Variants in CYP51A1 observed in about 807,000 individuals in gnomAD.
The protein encoded by CYP51A1 is cytochrome P450 family 51 subfamily A member 1.
In CYP51A1, 45 loss-of-function variants were observed where a neutral mutation model predicts 53.5. That is an observed-to-expected ratio of 0.84 (90% CI 0.66 to 1.08). The LOEUF is 1.08. Among genes scored for constraint, CYP51A1 ranks in the 50% least tolerant of loss-of-function variants. The probability of loss-of-function intolerance (pLI) is 0.00; values close to 1 mark genes in which losing one functional copy is unlikely to be tolerated. For synonymous variants in CYP51A1, 181 were observed against 217.7 expected, an observed-to-expected ratio of 0.83 and a Z score of 1.48; for missense variants, 462 against 621.7, an observed-to-expected ratio of 0.74 and a Z score of 2.73.
rs548811414 is a variant in CYP51A1 at position 92,116,923 on chromosome 7, T to G, written c.1351+121A>C. On this transcript the variant is annotated intron_variant, in intron 9 of 9. Transcript: ENST00000003100. ...ATAAAGATTCTTCTCCTAAAAAAGT[T>G]TGCAAAAATGTCCCTATGAGGAAAG... 5.5e-6 allele frequency: 5 copies of G among 916,432 alleles called. No homozygotes were observed. In the South Asian group the frequency reaches 1.0e-4, roughly 19 times the overall value. 56.8% of individuals were successfully genotyped at this position (916,432 alleles called of 1,614,324 possible).
chr7:92,131,669 T>A (rs1051165330), intron 2 of CYP51A1, 105 bp downstream of exon 2: 1 of 629,342 alleles, frequency 1.6e-6, no homozygotes, highest in Non-Finnish European at 2.8e-6. Context: ...AGGATATGTA[T>A]ATGATTACAA....
At chr7:92,126,190 T>C in intron 5 of CYP51A1, 63 bp downstream of exon 5, 1 of 1,204,520 alleles carries the variant, frequency 8.3e-7, no homozygotes, top group South Asian at 1.9e-5. Context: ...AGGCAAAGCA[T>C]ACCAACACTA....
At position 92,113,043 on chromosome 7, in the gene CYP51A1, A is replaced by G. The variant is rs1341444783; in HGVS notation, c.*622T>C. Reference sequence around the variant, plus strand: ...ACATTATTTTTAGGAACTCTTATCAAATATGGTCCTGGATCTCTTAATTTC... The same window carrying G: ...ACATTATTTTTAGGAACTCTTATCAGATATGGTCCTGGATCTCTTAATTTC... On this transcript the variant is annotated 3_prime_UTR_variant, in exon 10 of 10. Coordinates refer to ENST00000003100, the MANE Select transcript of CYP51A1 (RefSeq NM_000786.4). The G allele has an allele frequency of 6.6e-6, 1 of 152,170 alleles. No homozygotes were observed. The allele number at this position is 152,170 out of a possible 1,614,324, so 9.4% of individuals were successfully genotyped here.
intron 4 of CYP51A1, among the ~76,000 whole-genome samples, chr7:92,126,685 A>G (rs1257695278): frequency 6.6e-6 from 1 of 152,238 alleles, no homozygotes; most frequent in African/African-American, 2.4e-5. Flanking sequence ...CATCATGAAA[A>G]GAATAAATGT....
intron 5 of CYP51A1, among the ~76,000 whole-genome samples, chr7:92,124,192 T>C (rs1223910413): frequency 6.6e-6 from 1 of 152,226 alleles, no homozygotes; most frequent in East Asian, 1.9e-4. Flanking sequence ...TAGGATACTC[T>C]TTTAAATTAA....
At chr7:92,132,480 GT>G (rs1433273017) in intron 1 of CYP51A1, among the ~76,000 whole-genome samples, 5 of 119,606 alleles carry the variant, frequency 4.2e-5, no homozygotes, top group Admixed American at 8.3e-5. Flanking sequence ...TTTGTATTGG[GT>G]TTTTTTCCCC....
chr7:92,123,985 A>C, intron 5 of CYP51A1, 132 bp from the exon 6 acceptor site: 3 of 658,648 alleles, frequency 4.6e-6, no homozygotes, highest in East Asian at 3.1e-5. Context: ...AATAATTGAC[A>C]AAAAAATCAG....
chr7:92,116,228 G>A (rs1316312913), intron 9 of CYP51A1, among the ~76,000 whole-genome samples: 2 of 152,100 alleles, frequency 1.3e-5, no homozygotes, highest in African/African-American at 4.8e-5. Flanking sequence ...CTGAGAGATT[G>A]TGCCACTGCA....
At position 92,128,428 on chromosome 7, in the gene CYP51A1, C is replaced by CTGTGTGTGTGTGTG. The variant is rs1554479142; in HGVS notation, c.468+438_468+451dup. Among the ~76,000 whole-genome samples the CTGTGTGTGTGTGTG allele has an allele frequency of 3.6e-4, 51 of 143,128 alleles. No homozygotes were observed. In the East Asian group the frequency reaches 8.4e-3, roughly 24 times the overall value. 93.9% of individuals were successfully genotyped at this position (143,128 alleles called of 152,430 possible). On this transcript the variant is annotated intron_variant, in intron 3 of 9. Coordinates refer to ENST00000003100, the MANE Select transcript of CYP51A1 (RefSeq NM_000786.4). ...TATTACATTTTTGTTTGGTTGGTTTCTGTGTGTGTGTGTGTGTGTGTGTGT... is the reference window on the plus strand; with the variant it reads ...TATTACATTTTTGTTTGGTTGGTTTCTGTGTGTGTGTGTGTGTGTGTGTGTGTGTGTGTGTGTGT...
Position 92,134,356 on chromosome 7 carries a change from C to T in CYP51A1, c.9G>A (p.Ala3=). 1 of 1,580,574 alleles carries T rather than the reference C, an allele frequency of 6.3e-7. No individual in the cohort carries two copies. Among genetic ancestry groups the T allele is most frequent in the Non-Finnish European group, 8.6e-7 (1 of 1,159,670 alleles). The stretch of plus-strand genomic sequence containing the variant: ...AGCCCAGCAGCAGCATCCCAGCCGC[C>T]GCCGCCATTCACTCCGTCGGAAACA... The part of the protein sequence containing the change: MA[A]AAGMLLLGLL... The change falls in exon 1 of 10, where the codon GCG becomes GCA. Residue 3 remains alanine (A), a synonymous_variant. Coordinates refer to ENST00000003100, the MANE Select transcript of CYP51A1 (RefSeq NM_000786.4).
intron 4 of CYP51A1, 108 bp from the exon 5 acceptor site, chr7:92,126,535 A>G (rs992400407): frequency 3.1e-6 from 3 of 977,106 alleles, no homozygotes; most frequent in African/African-American, 3.3e-5. Context: ...CATATCATCA[A>G]AAAAAGTCTG....
intron 3 of CYP51A1, among the ~76,000 whole-genome samples, chr7:92,128,459 C>T (rs12112262): frequency 0.42 from 57,484 of 138,168 alleles, 11,400 homozygotes; most frequent in African/African-American, 0.48. Context: ...TGTGTGTGCG[C>T]GTGCGTGTGT....
In CYP51A1 at chr7:92,127,596, G is replaced by T. The variant is rs765058819; in HGVS notation, c.504C>A (p.Gly168=). The T allele has an allele frequency of 1.6e-5, 26 of 1,613,096 alleles. No homozygotes were observed. The highest frequency in any genetic ancestry group is 2.0e-5 in the Non-Finnish European group (24 of 1,179,490). ...GCTGTTTAAAGTGGGCTATGTTAAG[G>T]CCACTTTTTAACATTTTCTTCTGCT... ...FLEQKKMLKS[G]LNIAHFKQHV... Residue 168 remains glycine (G), a synonymous_variant, in exon 4 of 10, where the codon GGC becomes GGA. Coordinates refer to ENST00000003100, the MANE Select transcript of CYP51A1 (RefSeq NM_000786.4).
intron 5 of CYP51A1, among the ~76,000 whole-genome samples, chr7:92,125,144 CAAAAA>C (rs1232943204): frequency 4.5e-5 from 3 of 67,134 alleles, no homozygotes; most frequent in African/African-American, 5.0e-5. Flanking sequence ...ACTCCATCAC[CAAAAA>C]AAAAAAAAAA....
At chr7:92,127,901 T>G (rs1563180984) in intron 3 of CYP51A1, among the ~76,000 whole-genome samples, 1 of 152,182 alleles carries the variant, frequency 6.6e-6, no homozygotes, top group Non-Finnish European at 1.5e-5. Context: ...TCCCCATCAC[T>G]AGAAACAAGA....
At chr7:92,121,616 T>A (rs1048999535) in intron 7 of CYP51A1, among the ~76,000 whole-genome samples, 1 of 152,242 alleles carries the variant, frequency 6.6e-6, no homozygotes. Context: ...GGTCTATCCA[T>A]ATAATGGAAT....
rs1819992574 is a variant in CYP51A1, at chr7:92,134,223, A to G, written c.142T>C (p.Tyr48His). Residue 48 changes from tyrosine (Y) to histidine (H), a missense_variant, in exon 1 of 10, where the codon TAC (tyrosine) becomes CAC (histidine). Physicochemically the swap from Tyr to His is moderately conservative, Grantham distance 83. Transcript: ENST00000003100. ...IACAFTLSLV[Y>H]LIRLAAGHLV... is the part of the protein sequence containing the mutation. ...TGGCCGGCGGCCAGACGGATCAGGT[A>G]GACCAGGCTGAGGGTGAAGGCGCAG... is the stretch of plus-strand genomic sequence containing the variant. 1.2e-6 allele frequency: 2 copies of G among 1,613,294 alleles called. No individual in the cohort carries two copies. The highest frequency in any genetic ancestry group is 1.7e-6 in the Non-Finnish European group (2 of 1,179,748).
chr7:92,131,098 A>G (rs1819907385), intron 2 of CYP51A1, among the ~76,000 whole-genome samples: 1 of 152,224 alleles, frequency 6.6e-6, no homozygotes, highest in South Asian at 2.1e-4. Context: ...CAAAGCGGAA[A>G]GAGGAAAGTG....
rs112952169 is a variant in CYP51A1 at position 92,128,428 on chromosome 7, C to CTCTG, written c.468+451_468+452insCAGA. On this transcript the variant is annotated intron_variant, in intron 3 of 9. Coordinates refer to ENST00000003100, the MANE Select transcript of CYP51A1 (RefSeq NM_000786.4). ...TATTACATTTTTGTTTGGTTGGTTT[C>CTCTG]TGTGTGTGTGTGTGTGTGTGTGTGT... Among the ~76,000 whole-genome samples the CTCTG allele has an allele frequency of 8.0e-3, 1,141 of 143,102 alleles. 14 individuals are homozygous for CTCTG. Among genetic ancestry groups the CTCTG allele is most frequent in the South Asian group, 0.043 (189 of 4,370 alleles). The allele number at this position is 143,102 out of a possible 152,430, so 93.9% of individuals were successfully genotyped here.
Sources: allele counts gnomAD v4.1 joint callset (sites outside exome capture counted in the v4.1 genomes callset), GRCh38; gene constraint gnomAD v4.1.1; transcripts MANE v1.5; gene names NCBI Gene and HGNC (gene_info 2026-07-23, HGNC 2026-07-21).